GRK2: variants seen among roughly 807,000 people sequenced by gnomAD.
The protein encoded by GRK2 is G protein-coupled receptor kinase 2, also known as adrenergic beta receptor kinase 1.
Under a neutral mutation model 97.8 loss-of-function variants are expected in GRK2, and 23 were observed. The observed-to-expected ratio is 0.24, with a 90% CI of 0.17 to 0.33. The LOEUF (loss-of-function observed/expected upper bound fraction) is 0.33. Ranked by LOEUF, GRK2 falls within the 10% of genes least tolerant of loss-of-function variation. The probability of loss-of-function intolerance (pLI) is 1.00; values close to 1 mark genes in which losing one functional copy is unlikely to be tolerated. For missense variants in GRK2, 633 were observed against 956.9 expected, an observed-to-expected ratio of 0.66 and a Z score of 4.47; for synonymous variants, 425 against 381.7, an observed-to-expected ratio of 1.11 and a Z score of -1.32.
At chr11:67,267,087 C>A (rs991024234) in intron 1 of GRK2, among the ~76,000 whole-genome samples, 1 of 152,130 alleles carries the variant, frequency 6.6e-6, no homozygotes, top group African/African-American at 2.4e-5. Context: ...CCTGGCCGCC[C>A]TGCTGCTTCC....
intron 1 of GRK2, among the ~76,000 whole-genome samples, chr11:67,274,169 T>C (rs1859972347): frequency 6.6e-6 from 1 of 152,114 alleles, no homozygotes; most frequent in Admixed American, 6.6e-5. Context: ...CACGCCACCA[T>C]GCTGGGCTAA....
At position 67,282,606 on chromosome 11, in the gene GRK2, G is replaced by A; in HGVS notation, c.1160+64G>A. The A allele has an allele frequency of 6.3e-7, 1 of 1,579,296 alleles. No individual in the cohort carries two copies. Among genetic ancestry groups the A allele is most frequent in the Non-Finnish European group, 8.7e-7 (1 of 1,153,346 alleles). The stretch of plus-strand genomic sequence containing the variant: ...TAAGAGAAGTTCCTCCCCAATCCAG[G>A]TGGGATGCCAAAGGAGGGGAGCCCA... On this transcript the variant is annotated intron_variant, in intron 13 of 20. Coordinates refer to ENST00000308595, the MANE Select transcript of GRK2 (RefSeq NM_001619.5). The surrounding 1 kb of genome is among the most constrained non-coding windows in gnomAD (Gnocchi z 6.9).
Position 67,282,062 on chromosome 11 carries a change from C to T in GRK2, c.957+110C>T. On this transcript the variant is annotated intron_variant, in intron 11 of 20. Coordinates refer to ENST00000308595, the MANE Select transcript of GRK2 (RefSeq NM_001619.5). This position sits in a 1 kb window ranked among gnomAD's most constrained non-coding sequence, Gnocchi z 6.9. ...GTGGGGCTCCTGGGACATGGCCGCCCCGTATCTTCCCATCTCCGCCCCTGC... is the reference window on the plus strand; with the variant it reads ...GTGGGGCTCCTGGGACATGGCCGCCTCGTATCTTCCCATCTCCGCCCCTGC... The T allele has an allele frequency of 1.4e-6, 2 of 1,431,280 alleles. No homozygotes were observed. The highest frequency in any genetic ancestry group is 1.9e-6 in the Non-Finnish European group (2 of 1,041,654). The allele number at this position is 1,431,280 out of a possible 1,614,324, so 88.7% of individuals were successfully genotyped here. A position where few individuals can be genotyped will look rare whatever the true frequency, so the allele number is the denominator to read the frequency against.
intron 19 of GRK2, 39 bp from the exon 20 acceptor site, chr11:67,285,036 C>T: frequency 6.2e-7 from 1 of 1,612,272 alleles, no homozygotes; most frequent in Non-Finnish European, 8.5e-7. Flanking sequence ...GGCTGGCCGG[C>T]CCGGCTCTTA....
rs374740337 is a variant in GRK2 at position 67,281,962 on chromosome 11, C to T, written c.957+10C>T. The T allele has an allele frequency of 6.2e-7, 1 of 1,613,184 alleles. No homozygotes were observed. Among genetic ancestry groups the T allele is most frequent in the African/African-American group, 1.3e-5 (1 of 75,036 alleles). ...CTACCGGGACCTGAAGGTGAGCGCCCCTGCTGTCCCCAGGCTGGACCTCCG... is the reference window on the plus strand; with the variant it reads ...CTACCGGGACCTGAAGGTGAGCGCCTCTGCTGTCCCCAGGCTGGACCTCCG... On this transcript the variant is annotated intron_variant, in intron 11 of 20. Transcript: ENST00000308595. This position sits in a 1 kb window ranked among gnomAD's most constrained non-coding sequence, Gnocchi z 5.7.
intron 6 of GRK2, 128 bp downstream of exon 6, chr11:67,280,028 C>T (rs1036963105): frequency 3.2e-6 from 3 of 929,220 alleles, no homozygotes; most frequent in African/African-American, 1.6e-5. Flanking sequence ...GGCCCGTCAG[C>T]GGCCCCCTTG....
At chr11:67,274,524 C>CTTTTTTTTTTTTTTTTTTTTTTTTT (rs1590848179) in intron 1 of GRK2, among the ~76,000 whole-genome samples, 1,168 of 54,958 alleles carry the variant, frequency 0.021, 2 homozygotes, top group Non-Finnish European at 0.028. Context: ...TTTTTTTTTG[C>CTTTTTTTTTTTTTTTTTTTTTTTTT]TTTTTTTCAT....
chr11:67,284,695 G>A (rs1396771768), intron 18 of GRK2, 152 bp from the exon 19 acceptor site: 24 of 1,059,944 alleles, frequency 2.3e-5, no homozygotes, highest in Admixed American at 1.4e-4. Flanking sequence ...AGGCTGAGGC[G>A]GGAGGATCGT....
At position 67,285,587 on chromosome 11, in the gene GRK2, G is replaced by A; in HGVS notation, c.*137G>A. The A allele has an allele frequency of 1.7e-6, 2 of 1,191,830 alleles. No individual in the cohort carries two copies. The highest frequency in any genetic ancestry group is 2.3e-6 in the Non-Finnish European group (2 of 888,566). 73.8% of individuals were successfully genotyped at this position (1,191,830 alleles called of 1,614,324 possible). A position where few individuals can be genotyped will look rare whatever the true frequency, so the allele number is the denominator to read the frequency against. On this transcript the variant is annotated 3_prime_UTR_variant, in exon 21 of 21. Transcript: ENST00000308595. ...CCCCAGCCTGGCCCAGCTCCCCCGG[G>A]AGGGGCCCGCTTGCCTCGGCTCCTG...
Position 67,276,055 on chromosome 11 carries a change from C to T in GRK2, c.114-1217C>T, listed in dbSNP as rs538437606. Among the ~76,000 whole-genome samples, 54 of 152,302 alleles carry T rather than the reference C, an allele frequency of 3.5e-4. No homozygotes were observed. In the South Asian group the frequency reaches 9.7e-3, roughly 27 times the overall value. On this transcript the variant is annotated intron_variant, in intron 1 of 20. Coordinates refer to ENST00000308595, the MANE Select transcript of GRK2 (RefSeq NM_001619.5). The surrounding 1 kb of genome is among the most constrained non-coding windows in gnomAD (Gnocchi z 4.2). ...CAGGCAGGGCCGGGGTGCAGAAAGG[C>T]AGGGGCCATGGCAAGCACAGAGAAC... is the stretch of plus-strand genomic sequence containing the variant.
chr11:67,279,589 C>G, intron 4 of GRK2, 37 bp from the exon 5 acceptor site: 1 of 1,612,666 alleles, frequency 6.2e-7, no homozygotes. Flanking sequence ...AAGAGAGGAC[C>G]CTGCTGAGAA....
chr11:67,281,227 G>T lies in GRK2; in HGVS notation c.647+43G>T. ...CGCGGTGGGATACCTCGGGGAGCCG[G>T]GCTCCTGGGGGACCCTGACAGGCCG... On this transcript the variant is annotated intron_variant, in intron 8 of 20. Coordinates refer to ENST00000308595, the MANE Select transcript of GRK2 (RefSeq NM_001619.5). The surrounding 1 kb of genome is among the most constrained non-coding windows in gnomAD (Gnocchi z 5.7). 6.5e-7 allele frequency: 1 copy of T among 1,548,202 alleles called. No homozygotes were observed. The highest frequency in any genetic ancestry group is 8.9e-7 in the Non-Finnish European group (1 of 1,127,688).
Position 67,281,620 on chromosome 11 carries a change from C to A in GRK2, c.748-30C>A. On this transcript the variant is annotated intron_variant, in intron 9 of 20. Coordinates refer to ENST00000308595, the MANE Select transcript of GRK2 (RefSeq NM_001619.5). This position sits in a 1 kb window ranked among gnomAD's most constrained non-coding sequence, Gnocchi z 5.7. ...GAACCCCGGGCGCCCCTGCTAACTG[C>A]CCGCCCCCTCCCCTCCTCTCCCCTC... 3.1e-6 allele frequency: 3 copies of A among 952,396 alleles called. No homozygotes were observed. The highest frequency in any genetic ancestry group is 4.9e-6 in the Non-Finnish European group (3 of 610,278). The allele number at this position is 952,396 out of a possible 1,614,324, so 59.0% of individuals were successfully genotyped here. A position where few individuals can be genotyped will look rare whatever the true frequency, so the allele number is the denominator to read the frequency against.
At chr11:67,271,307 A>G (rs1859902603) in intron 1 of GRK2, among the ~76,000 whole-genome samples, 2 of 152,218 alleles carry the variant, frequency 1.3e-5, no homozygotes, top group African/African-American at 2.4e-5. Context: ...GCTTTTTTCT[A>G]AAACAGTAAT....
Position 67,285,755 on chromosome 11 carries a change from G to A in GRK2, c.*305G>A. On this transcript the variant is annotated 3_prime_UTR_variant, in exon 21 of 21. Transcript: ENST00000308595. ...GCCACACCAAGCTGTGCCACCCTGG[G>A]CTCTGTGGGCTGCACTCTGTGCCCA... 4.8e-6 allele frequency: 2 copies of A among 420,518 alleles called. No individual in the cohort carries two copies. Among genetic ancestry groups the A allele is most frequent in the Non-Finnish European group, 8.6e-6 (2 of 233,594 alleles). 26.0% of individuals were successfully genotyped at this position (420,518 alleles called of 1,614,324 possible).
At chr11:67,283,977 C>A (rs754271077) in intron 17 of GRK2, 28 bp downstream of exon 17, 85 of 1,564,774 alleles carry the variant, frequency 5.4e-5, no homozygotes, top group South Asian at 1.0e-4. Context: ...GCCTCTTGTA[C>A]CTAGGCTGTG....
intron 1 of GRK2, among the ~76,000 whole-genome samples, chr11:67,267,519 C>A (rs1859824516): frequency 6.6e-6 from 1 of 152,202 alleles, no homozygotes; most frequent in African/African-American, 2.4e-5. Context: ...TCCCCTGTGC[C>A]CTCTCCCCTA....
intron 6 of GRK2, chr11:67,280,357 C>G: frequency 2.5e-6 from 1 of 395,392 alleles, no homozygotes; most frequent in South Asian, 2.6e-5. Context: ...TTTAGGGTCA[C>G]TGCTGCCCAG....
At position 67,276,837 on chromosome 11, in the gene GRK2, T is replaced by G. The variant is rs1860038235; in HGVS notation, c.114-435T>G. On this transcript the variant is annotated intron_variant, in intron 1 of 20. Transcript: ENST00000308595. This position sits in a 1 kb window ranked among gnomAD's most constrained non-coding sequence, Gnocchi z 4.2. Reference sequence around the variant, plus strand: ...TTCAGCCTCATGTTTTCAAGGCTCATCCACGTTGTGGCCCCTGTTGGTGCC... The same window carrying G: ...TTCAGCCTCATGTTTTCAAGGCTCAGCCACGTTGTGGCCCCTGTTGGTGCC... The G allele has an allele frequency of 6.3e-6, 1 of 157,874 alleles. No homozygotes were observed. Among genetic ancestry groups the G allele is most frequent in the South Asian group, 1.6e-4 (1 of 6,208 alleles). 9.8% of individuals were successfully genotyped at this position (157,874 alleles called of 1,614,324 possible).
Sources: gnomAD v4.1 joint callset for allele counts (sites outside exome capture counted in the v4.1 genomes callset) on GRCh38, gnomAD v4.1.1 for gene constraint, Gnocchi (gnomAD v3.1) non-coding constraint, MANE v1.5 for transcripts, NCBI Gene and HGNC (gene_info 2026-07-23, HGNC 2026-07-21) for gene names.